REEP1: variants seen among roughly 807,000 people sequenced by gnomAD.
REEP1 encodes the protein receptor expression-enhancing protein 1.
In REEP1, 22 loss-of-function variants were observed where a neutral mutation model predicts 40.3. That is an observed-to-expected ratio of 0.55 (90% CI 0.39 to 0.78). The LOEUF is 0.78. Among genes scored for constraint, REEP1 ranks in the 30% least tolerant of loss-of-function variants. The pLI is 0.00. For missense variants in REEP1, 280 were observed against 361.1 expected, an observed-to-expected ratio of 0.78 and a Z score of 1.82; for synonymous variants, 116 against 139.2, an observed-to-expected ratio of 0.83 and a Z score of 1.17.
At chr2:86,335,594 T>C (rs1046251873) in intron 1 of REEP1, among the ~76,000 whole-genome samples, 10 of 152,170 alleles carry the variant, frequency 6.6e-5, no homozygotes, top group Middle Eastern at 3.2e-3. Context: ...CTCACGCCTG[T>C]AATCCCAGAA....
chr2:86,293,035 T>C (rs1025355321), intron 1 of REEP1, among the ~76,000 whole-genome samples: 1 of 152,174 alleles, frequency 6.6e-6, no homozygotes, highest in African/African-American at 2.4e-5. Context: ...CCATTCCCTC[T>C]TACACAGGAG....
At chr2:86,248,648 C>G (rs1283082020) in intron 5 of REEP1, among the ~76,000 whole-genome samples, 1 of 152,066 alleles carries the variant, frequency 6.6e-6, no homozygotes, top group African/African-American at 2.4e-5. Context: ...CAGGGTCTCA[C>G]TATGTTACCC....
intron 1 of REEP1, among the ~76,000 whole-genome samples, chr2:86,325,696 T>C (rs1680471958): frequency 6.6e-6 from 1 of 151,844 alleles, no homozygotes; most frequent in African/African-American, 2.4e-5. Flanking sequence ...AGGAATGGAG[T>C]GTCCCCTGGA....
intron 5 of REEP1, among the ~76,000 whole-genome samples, chr2:86,250,565 T>C (rs1676216448): frequency 6.6e-6 from 1 of 152,216 alleles, no homozygotes; most frequent in South Asian, 2.1e-4. Flanking sequence ...AGATACTCAC[T>C]GGGATCCCTC....
chr2:86,315,290 C>T (rs910180967), intron 1 of REEP1, among the ~76,000 whole-genome samples: 5 of 152,200 alleles, frequency 3.3e-5, no homozygotes, highest in Non-Finnish European at 1.5e-5. Flanking sequence ...CCCCAAGTCA[C>T]ATCCAGTCCG....
Position 86,218,673 on chromosome 2 carries a change from A to T in REEP1, c.783+1297T>A, listed in dbSNP as rs147798985. On this transcript the variant is annotated intron_variant, in intron 8 of 8. Coordinates refer to ENST00000538924, the MANE Select transcript of REEP1 (RefSeq NM_001371279.1). ...AGGCTGGGCTCCTCTCCCCATCAGG[A>T]GGCTGCCCAGGCCAGATTGCCCAGG... Among the ~76,000 whole-genome samples, 1,079 of 152,354 alleles carry T rather than the reference A, an allele frequency of 7.1e-3. 7 individuals are homozygous for T. Among genetic ancestry groups the T allele is most frequent in the Middle Eastern group, 0.014 (4 of 294 alleles).
At chr2:86,312,476 G>A (rs376791068) in intron 1 of REEP1, among the ~76,000 whole-genome samples, 1 of 152,220 alleles carries the variant, frequency 6.6e-6, no homozygotes, top group African/African-American at 2.4e-5. Flanking sequence ...GCAACACTTA[G>A]GCAAAGACAA....
upstream of REEP1, chr2:86,337,953 G>T: frequency 7.2e-7 from 1 of 1,396,152 alleles, no homozygotes; most frequent in Non-Finnish European, 9.8e-7. The surrounding 1 kb of genome is among the most constrained non-coding windows in gnomAD (Gnocchi z 5.8). Context: ...TCGGGAATCT[G>T]TCTGCACCTG....
At chr2:86,302,326 A>C (rs1679290180) in intron 1 of REEP1, among the ~76,000 whole-genome samples, 1 of 152,222 alleles carries the variant, frequency 6.6e-6, no homozygotes, top group African/African-American at 2.4e-5. Flanking sequence ...CGTTTCCTCC[A>C]AATGGAAACA....
intron 5 of REEP1, among the ~76,000 whole-genome samples, chr2:86,234,527 A>G (rs1675199185): frequency 6.6e-6 from 1 of 152,170 alleles, no homozygotes. Flanking sequence ...CAAAAAAATA[A>G]AAAGAAAGAA....
intron 1 of REEP1, among the ~76,000 whole-genome samples, chr2:86,313,256 T>C (rs1321770490): frequency 6.6e-6 from 1 of 151,276 alleles, no homozygotes; most frequent in Non-Finnish European, 1.5e-5. Context: ...TAGCTGGGAC[T>C]ACAGGCATGT....
At chr2:86,335,135 A>G (rs940756211) in intron 1 of REEP1, among the ~76,000 whole-genome samples, 1 of 152,224 alleles carries the variant, frequency 6.6e-6, no homozygotes, top group Non-Finnish European at 1.5e-5. Flanking sequence ...GCAATACAGG[A>G]AAATTTCTTG....
chr2:86,303,537 A>AG (rs1430898475), intron 1 of REEP1, among the ~76,000 whole-genome samples: 1 of 151,354 alleles, frequency 6.6e-6, no homozygotes, highest in Non-Finnish European at 1.5e-5. Flanking sequence ...AATTAAAAAA[A>AG]AAAATTGTAT....
chr2:86,230,303 G>C (rs1312962248), intron 6 of REEP1, among the ~76,000 whole-genome samples: 1 of 152,260 alleles, frequency 6.6e-6, no homozygotes, highest in Non-Finnish European at 1.5e-5. Context: ...TGCATTCCCA[G>C]TTCTGAGGCT....
At chr2:86,232,296 C>A (rs533209306) in intron 6 of REEP1, among the ~76,000 whole-genome samples, 2 of 152,294 alleles carry the variant, frequency 1.3e-5, no homozygotes, top group South Asian at 4.1e-4. Context: ...GCTCCCGGGG[C>A]CCAGGTCCAG....
At chr2:86,246,859 G>A (rs1198151434) in intron 5 of REEP1, among the ~76,000 whole-genome samples, 5 of 151,660 alleles carry the variant, frequency 3.3e-5, no homozygotes, top group South Asian at 2.1e-4. Flanking sequence ...GCACCACCAC[G>A]CCCGGCTAAT....
intron 2 of REEP1, among the ~76,000 whole-genome samples, chr2:86,270,300 G>A (rs1028252943): frequency 6.6e-6 from 1 of 152,148 alleles, no homozygotes; most frequent in African/African-American, 2.4e-5. Flanking sequence ...AGGCTCAAGT[G>A]ATTCTCCTGC....
In REEP1 at chr2:86,214,211, C is replaced by CTGTT. The variant is rs397794472; in HGVS notation, c.*2824_*2827dup. ...AGAATATCAGCTCTGGGAGTGTACA[C>CTGTT]TGTTAGAGGATGAAGCACATCCTTT... On this transcript the variant is annotated 3_prime_UTR_variant, in exon 9 of 9. Transcript: ENST00000538924. 0.32 allele frequency: 48,812 copies of CTGTT among 152,666 alleles called. 9,380 individuals carry two copies. The highest frequency in any genetic ancestry group is 0.58 in the East Asian group (2,978 of 5,122). 9.5% of individuals were successfully genotyped at this position (152,666 alleles called of 1,614,324 possible).
At chr2:86,295,685 G>A (rs1206633594) in intron 1 of REEP1, among the ~76,000 whole-genome samples, 5 of 152,124 alleles carry the variant, frequency 3.3e-5, no homozygotes, top group Non-Finnish European at 5.9e-5. Flanking sequence ...GACTACAGGC[G>A]CCCACCACCA....
Sources: gnomAD v4.1 joint callset for allele counts (sites outside exome capture counted in the v4.1 genomes callset) on GRCh38, gnomAD v4.1.1 for gene constraint, Gnocchi (gnomAD v3.1) non-coding constraint, MANE v1.5 for transcripts, NCBI Gene and HGNC (gene_info 2026-07-23, HGNC 2026-07-21) for gene names.